The following NRG3 variants were observed in gnomAD, a reference collection of about 807,000 sequenced individuals.
NRG3 encodes the protein pro-neuregulin-3, membrane-bound isoform.
NRG3 carries 31 observed loss-of-function variants against 66.9 expected under a neutral mutation model. That is an observed-to-expected ratio of 0.46 (90% CI 0.35 to 0.63). NRG3 has a LOEUF of 0.63. NRG3 is among the 20% of genes least tolerant of loss of function. The pLI is 0.00. For synonymous variants in NRG3, 393 were observed against 359.4 expected, an observed-to-expected ratio of 1.09 and a Z score of -1.06; for missense variants, 910 against 878.9, an observed-to-expected ratio of 1.04 and a Z score of -0.45.
chr10:82,020,236 A>G (rs972288770), intron 1 of NRG3, among the ~76,000 whole-genome samples: 1 of 152,152 alleles, frequency 6.6e-6, no homozygotes, highest in Non-Finnish European at 1.5e-5. Flanking sequence ...GTGGCTTGCA[A>G]TTTACTTTAA....
At chr10:82,768,422 G>A (rs144713525) in intron 3 of NRG3, among the ~76,000 whole-genome samples, 9 of 152,044 alleles carry the variant, frequency 5.9e-5, no homozygotes, top group Non-Finnish European at 1.0e-4. Context: ...CTTGTTTGTC[G>A]TAGTGACCTA....
chr10:82,283,907 A>T (rs866071660), intron 1 of NRG3, among the ~76,000 whole-genome samples: 2 of 152,232 alleles, frequency 1.3e-5, no homozygotes, highest in Non-Finnish European at 2.9e-5. Flanking sequence ...TGAGTGCATA[A>T]ATGAAGCTTT....
At chr10:82,545,794 T>G (rs2132816418) in intron 2 of NRG3, among the ~76,000 whole-genome samples, 1 of 142,950 alleles carries the variant, frequency 7.0e-6, no homozygotes, top group South Asian at 2.3e-4. Context: ...TTTTTTTTTT[T>G]TTTTTTTTTT....
chr10:82,260,093 C>T (rs746005223), intron 1 of NRG3, among the ~76,000 whole-genome samples: 4 of 152,154 alleles, frequency 2.6e-5, no homozygotes, highest in African/African-American at 7.2e-5. Flanking sequence ...GAAAAGTTGC[C>T]TAGACAGGGT....
At chr10:82,773,811 C>G (rs2059802057) in intron 3 of NRG3, among the ~76,000 whole-genome samples, 1 of 152,102 alleles carries the variant, frequency 6.6e-6, no homozygotes. Context: ...TACAGTTGTT[C>G]CCTATTGATT....
At chr10:82,112,886 A>G (rs931331796) in intron 1 of NRG3, among the ~76,000 whole-genome samples, 1 of 152,092 alleles carries the variant, frequency 6.6e-6, no homozygotes, top group South Asian at 2.1e-4. Context: ...TGTAATGGCT[A>G]TTCTGTGTGG....
intron 1 of NRG3, among the ~76,000 whole-genome samples, chr10:81,878,428 TG>T (rs1841879180): frequency 6.6e-6 from 1 of 152,162 alleles, no homozygotes; most frequent in Non-Finnish European, 1.5e-5. Flanking sequence ...TCATAAAACG[TG>T]TTTAAATAGG....
At chr10:82,508,716 C>A (rs1184421839) in intron 2 of NRG3, among the ~76,000 whole-genome samples, 6 of 152,178 alleles carry the variant, frequency 3.9e-5, no homozygotes, top group Non-Finnish European at 8.8e-5. Flanking sequence ...TTTTGTTTTT[C>A]TAGATCAACT....
chr10:82,753,152 G>A (rs764533861), intron 3 of NRG3, among the ~76,000 whole-genome samples: 5 of 151,954 alleles, frequency 3.3e-5, no homozygotes, highest in South Asian at 2.1e-4. Flanking sequence ...TTGACATGAC[G>A]GTTTGTTTTA....
chr10:82,544,460 A>G (rs2043756707), intron 2 of NRG3, among the ~76,000 whole-genome samples: 2 of 152,144 alleles, frequency 1.3e-5, no homozygotes, highest in African/African-American at 4.8e-5. Flanking sequence ...CATCCTCCCA[A>G]TCAGACTCTG....
intron 1 of NRG3, among the ~76,000 whole-genome samples, chr10:82,206,524 C>A (rs1035164296): frequency 1.3e-5 from 2 of 152,164 alleles, no homozygotes; most frequent in African/African-American, 4.8e-5. Flanking sequence ...AGTGTTATCT[C>A]TTGAGATAGA....
rs149399947 is a variant in NRG3 at position 82,195,995 on chromosome 10, CT to C, written c.824-162743del. Among the ~76,000 whole-genome samples, 997 of 152,322 alleles carry C rather than the reference CT, an allele frequency of 6.5e-3. 55 individuals carry two copies. The East Asian group carries it at 0.13, about 20-fold the overall frequency. On this transcript the variant is annotated intron_variant, in intron 1 of 8. Coordinates refer to ENST00000372141, the MANE Select transcript of NRG3 (RefSeq NM_001010848.4). ...GTCCAATGAGACTAGTTTCAGATGT[CT>C]GACCTGCAGGACTGCTTTTTTGTGT...
At chr10:81,950,692 G>A (rs574852666) in intron 1 of NRG3, among the ~76,000 whole-genome samples, 1 of 152,270 alleles carries the variant, frequency 6.6e-6, no homozygotes, top group Admixed American at 6.5e-5. Context: ...TATCTGAGAA[G>A]TATTTCATTG....
intron 1 of NRG3, among the ~76,000 whole-genome samples, chr10:82,190,839 T>C (rs2074099720): frequency 6.6e-6 from 1 of 152,186 alleles, no homozygotes; most frequent in South Asian, 2.1e-4. Flanking sequence ...TTTCCTGCAT[T>C]CCTCCGTATC....
chr10:82,142,123 C>G (rs2069838554), intron 1 of NRG3, among the ~76,000 whole-genome samples: 1 of 152,164 alleles, frequency 6.6e-6, no homozygotes, highest in Non-Finnish European at 1.5e-5. Context: ...CTTACTAATT[C>G]ATCCAAGAAC....
chr10:82,725,043 T>G (rs2057520642), intron 2 of NRG3, among the ~76,000 whole-genome samples: 1 of 152,134 alleles, frequency 6.6e-6, no homozygotes, highest in Non-Finnish European at 1.5e-5. Context: ...ATGAGTCTCT[T>G]CTTGTGTTTT....
chr10:81,945,625 T>G (rs1316038273), intron 1 of NRG3, among the ~76,000 whole-genome samples: 1 of 152,148 alleles, frequency 6.6e-6, no homozygotes, highest in Admixed American at 6.6e-5. Flanking sequence ...TACATCTTGA[T>G]ACAGTAGGGG....
chr10:82,594,222 A>G (rs912846221), intron 2 of NRG3, among the ~76,000 whole-genome samples: 2 of 152,160 alleles, frequency 1.3e-5, no homozygotes, highest in African/African-American at 4.8e-5. Flanking sequence ...TGGGTTCATA[A>G]GAAGTGAGTC....
At chr10:82,153,411 TTG>T (rs34783247) in intron 1 of NRG3, among the ~76,000 whole-genome samples, 278 of 146,604 alleles carry the variant, frequency 1.9e-3, no homozygotes, top group African/African-American at 3.2e-3. Flanking sequence ...TAGTATTCCA[TTG>T]TGTGTGTGTG....
Sources: allele counts gnomAD v4.1 joint callset (sites outside exome capture counted in the v4.1 genomes callset), GRCh38; gene constraint gnomAD v4.1.1; transcripts MANE v1.5; gene names NCBI Gene and HGNC (gene_info 2026-07-23, HGNC 2026-07-21).